Variants in ME2 observed in about 807,000 individuals in gnomAD.
ME2 encodes the protein NAD-dependent malic enzyme, mitochondrial.
ME2 carries 60 observed loss-of-function variants against 73.7 expected under a neutral mutation model. That is an observed-to-expected ratio of 0.81 (90% CI 0.66 to 1.01). The LOEUF (loss-of-function observed/expected upper bound fraction) is 1.01, where lower values mean the gene tolerates loss of function less well. Among genes scored for constraint, ME2 ranks in the 50% least tolerant of loss-of-function variants. The probability of loss-of-function intolerance (pLI) is 0.00; values close to 1 mark genes in which losing one functional copy is unlikely to be tolerated. For missense variants in ME2, 594 were observed against 705.5 expected, an observed-to-expected ratio of 0.84 and a Z score of 1.79; for synonymous variants, 199 against 236.9, an observed-to-expected ratio of 0.84 and a Z score of 1.47.
intron 13 of ME2, among the ~76,000 whole-genome samples, chr18:50,936,470 A>G (rs752763731): frequency 7.9e-5 from 12 of 152,234 alleles, no homozygotes; most frequent in Non-Finnish European, 1.5e-4. Flanking sequence ...GTGGGTGGGT[A>G]CAACAAAATG....
chr18:50,899,710 C>A (rs945391815), intron 2 of ME2, among the ~76,000 whole-genome samples: 3 of 152,218 alleles, frequency 2.0e-5, no homozygotes, highest in African/African-American at 7.2e-5. Context: ...TAATTCCTCA[C>A]CACACTGGGT....
chr18:50,915,744 T>G (rs1917269789), intron 4 of ME2: 1 of 152,844 alleles, frequency 6.5e-6, no homozygotes, highest in Non-Finnish European at 1.5e-5. Context: ...TTGTGTGATT[T>G]TACTGTAATT....
Position 50,918,115 on chromosome 18 carries a change from C to G in ME2, c.636C>G (p.Leu212=). 6.3e-7 allele frequency: 1 copy of G among 1,587,282 alleles called. No homozygotes were observed. Among genetic ancestry groups the G allele is most frequent in the Non-Finnish European group, 8.6e-7 (1 of 1,163,868 alleles). The change falls in exon 7 of 16, where the codon CTC becomes CTG. Residue 212 remains leucine, a synonymous_variant. Transcript: ENST00000321341. ...CIDVGTDNIA[L]LKDPFYMGLY... is the part of the protein sequence containing the mutation. ...ACATTTGGTTTATTTTGTAGGCACT[C>G]TTAAAAGACCCATTTTACATGGGCT...
rs150990084 is a variant in ME2, at chr18:50,941,621, G to A, written c.1587+1235G>A. 3.9e-3 allele frequency among the ~76,000 whole-genome samples: 584 copies of A among 150,040 alleles called. 9 individuals carry two copies. In the East Asian group the frequency reaches 0.056, roughly 14 times the overall value. ...AACTCCTGACCTCAGGTGATCCACC[G>A]GCCCTGGCCTCTCAAACTGCTGGGA... On this transcript the variant is annotated intron_variant, in intron 15 of 15. Coordinates refer to ENST00000321341, the MANE Select transcript of ME2 (RefSeq NM_002396.5).
intron 13 of ME2, chr18:50,933,790 AGTT>A (rs1229465720): frequency 6.6e-6 from 1 of 152,022 alleles, no homozygotes; most frequent in Non-Finnish European, 1.5e-5. Flanking sequence ...CCCGATAGGT[AGTT>A]GTTTGATCCT....
In ME2 at chr18:50,919,570, T is replaced by G. The variant is rs1917371529; in HGVS notation, c.735-886T>G. Among the ~76,000 whole-genome samples, 3 of 152,232 alleles carry G rather than the reference T, an allele frequency of 2.0e-5. No individual in the cohort carries two copies. In the South Asian group the frequency reaches 6.2e-4, roughly 32 times the overall value. On this transcript the variant is annotated intron_variant, in intron 7 of 15. Transcript: ENST00000321341. Reference sequence around the variant, plus strand: ...CCAGTTGATCCTTATCAATTTCTATTCATCCTAATAGTTCATAGTTACTCC... The same window carrying G: ...CCAGTTGATCCTTATCAATTTCTATGCATCCTAATAGTTCATAGTTACTCC...
At chr18:50,888,372 C>T (rs947696214) in intron 1 of ME2, among the ~76,000 whole-genome samples, 19 of 148,464 alleles carry the variant, frequency 1.3e-4, no homozygotes, top group Admixed American at 6.7e-5. Flanking sequence ...TGAAAATATA[C>T]GAAATGAAAT....
chr18:50,920,625 A>T (rs767066614), intron 8 of ME2, 36 bp from the exon 9 acceptor site: 1 of 1,579,504 alleles, frequency 6.3e-7, no homozygotes, highest in South Asian at 1.2e-5. Context: ...TAATGTGCCC[A>T]TTTTTTATTT....
intron 3 of ME2, among the ~76,000 whole-genome samples, chr18:50,910,014 T>A (rs997311007): frequency 6.6e-6 from 1 of 152,190 alleles, no homozygotes; most frequent in African/African-American, 2.4e-5. Flanking sequence ...TCTTAACTGA[T>A]GATCTTGCTT....
intron 15 of ME2, among the ~76,000 whole-genome samples, chr18:50,945,809 G>A (rs1023153352): frequency 6.6e-6 from 1 of 152,150 alleles, no homozygotes. Flanking sequence ...GCTCATGCCT[G>A]TAATCTTAGC....
rs57065725 is a variant in ME2 at position 50,905,410 on chromosome 18, T to C, written c.109-2653T>C. 4.3e-3 allele frequency among the ~76,000 whole-genome samples: 653 copies of C among 152,344 alleles called. 10 individuals carry two copies. The East Asian group carries it at 0.065, about 15-fold the overall frequency. ...CTGTTGAACCCCTCTGGTAAATTTT[T>C]CATTTTCATTTATTGTACTGTTGAT... On this transcript the variant is annotated intron_variant, in intron 2 of 15. Coordinates refer to ENST00000321341, the MANE Select transcript of ME2 (RefSeq NM_002396.5).
intron 2 of ME2, 117 bp downstream of exon 2, chr18:50,896,045 G>A (rs1012523042): frequency 5.9e-6 from 4 of 680,134 alleles, no homozygotes; most frequent in Admixed American, 6.3e-5. Context: ...TTCAGAGATA[G>A]TTGTTTACAT....
At chr18:50,891,817 T>TA (rs1916611643) in intron 1 of ME2, among the ~76,000 whole-genome samples, 1 of 150,798 alleles carries the variant, frequency 6.6e-6, no homozygotes, top group Non-Finnish European at 1.5e-5. Flanking sequence ...ACTTATAATT[T>TA]TTTTTTTTTT....
At chr18:50,885,858 C>T (rs1021058345) in intron 1 of ME2, among the ~76,000 whole-genome samples, 2 of 151,798 alleles carry the variant, frequency 1.3e-5, no homozygotes, top group African/African-American at 4.8e-5. Context: ...CAAGATAATC[C>T]TGAAAAGATG....
At chr18:50,885,868 G>A (rs927233793) in intron 1 of ME2, among the ~76,000 whole-genome samples, 4 of 152,106 alleles carry the variant, frequency 2.6e-5, no homozygotes, top group African/African-American at 9.7e-5. Flanking sequence ...CTGAAAAGAT[G>A]TATAAAAGTC....
In ME2 at chr18:50,952,577, T is replaced by C. The variant is rs1918246671; in HGVS notation, c.*5393T>C. 1 of 152,194 alleles carries C rather than the reference T, an allele frequency of 6.6e-6. No homozygotes were observed. Among genetic ancestry groups the C allele is most frequent in the African/African-American group, 2.4e-5 (1 of 41,458 alleles). The allele number at this position is 152,194 out of a possible 1,614,324, so 9.4% of individuals were successfully genotyped here. A position where few individuals can be genotyped will look rare whatever the true frequency, so the allele number is the denominator to read the frequency against. ...CTTTTCATATGGCTATAGAATCTTGTTTTTTCCAAATAAAAACTTTGCAAT... is the reference window on the plus strand; with the variant it reads ...CTTTTCATATGGCTATAGAATCTTGCTTTTTCCAAATAAAAACTTTGCAAT... On this transcript the variant is annotated 3_prime_UTR_variant, in exon 16 of 16. Transcript: ENST00000321341.
chr18:50,903,389 G>A (rs1266526607), intron 2 of ME2, among the ~76,000 whole-genome samples: 1 of 152,022 alleles, frequency 6.6e-6, no homozygotes, highest in Non-Finnish European at 1.5e-5. Context: ...AATCTAAATA[G>A]GAAATAGGCA....
chr18:50,949,433 A>T lies in ME2; in HGVS notation c.*2249A>T, dbSNP rs1255621125. The T allele has an allele frequency of 6.6e-6, 1 of 152,248 alleles. No individual in the cohort carries two copies. Among genetic ancestry groups the T allele is most frequent in the African/African-American group, 2.4e-5 (1 of 41,440 alleles). The allele number at this position is 152,248 out of a possible 1,614,324, so 9.4% of individuals were successfully genotyped here. On this transcript the variant is annotated 3_prime_UTR_variant, in exon 16 of 16. Transcript: ENST00000321341. Reference sequence around the variant, plus strand: ...ACTGCAGCCTGGAACTCCTGGGTTCAAGCTCTCCTCCTGCCTCAGCCTCCT... The same window carrying T: ...ACTGCAGCCTGGAACTCCTGGGTTCTAGCTCTCCTCCTGCCTCAGCCTCCT...
In ME2 at chr18:50,924,125, CA is replaced by C; in HGVS notation, c.1085del (p.Gln362ArgfsTer20). ...KGRKAKIDSYQEPFTHSAPES... is the reference protein window; with the variant it reads ...KGRKAKIDSYXEPFTHSAPES... The stretch of plus-strand genomic sequence containing the variant: ...ACGGAAAGCAAAAATAGATAGTTAT[CA>C]GGAACCATTTACTCACTCAGCCCCA... On this transcript the variant is annotated frameshift_variant, in exon 11 of 16. Transcript: ENST00000321341. LOFTEE classifies it high-confidence loss of function. The C allele has an allele frequency of 1.2e-6, 2 of 1,612,320 alleles. No homozygotes were observed. The highest frequency in any genetic ancestry group is 1.7e-6 in the Non-Finnish European group (2 of 1,179,098).
Sources: allele counts gnomAD v4.1 joint callset (sites outside exome capture counted in the v4.1 genomes callset), GRCh38; gene constraint gnomAD v4.1.1; transcripts MANE v1.5; gene names NCBI Gene and HGNC (gene_info 2026-07-23, HGNC 2026-07-21).